The following CALHM5 variants were observed in gnomAD, a reference collection of about 807,000 sequenced individuals.
CALHM5 encodes the protein calcium homeostasis modulator protein 5.
A neutral mutation model predicts 20.9 loss-of-function variants in CALHM5; 17 were observed. That is an observed-to-expected ratio of 0.82 (90% CI 0.56 to 1.22). CALHM5 has a LOEUF of 1.22. Among genes scored for constraint, CALHM5 ranks in the 50% most tolerant of loss-of-function variants. CALHM5 has a pLI of 0.00. For synonymous variants in CALHM5, 148 were observed against 140.0 expected, an observed-to-expected ratio of 1.06 and a Z score of -0.40; for missense variants, 360 against 364.6, an observed-to-expected ratio of 0.99 and a Z score of 0.10.
In CALHM5 at chr6:116,519,839, A is replaced by G. The variant is rs1379576458; in HGVS notation, c.*3850A>G. 5 of 152,172 alleles carry G rather than the reference A, an allele frequency of 3.3e-5. No individual in the cohort carries two copies. The highest frequency in any genetic ancestry group is 1.2e-4 in the African/African-American group (5 of 41,448). The allele number at this position is 152,172 out of a possible 1,614,324, so 9.4% of individuals were successfully genotyped here. The stretch of plus-strand genomic sequence containing the variant: ...GAATAAATTGTGTACACATATATAT[A>G]TGATTCTTTTGTTTTTCCTGTGCAG... On this transcript the variant is annotated 3_prime_UTR_variant, in exon 2 of 2. Transcript: ENST00000368599.
Position 116,516,657 on chromosome 6 carries a change from AC to A in CALHM5, c.*669del, listed in dbSNP as rs1772230768. 6 of 123,324 alleles carry A rather than the reference AC, an allele frequency of 4.9e-5. No individual in the cohort carries two copies. Among genetic ancestry groups the A allele is most frequent in the Non-Finnish European group, 9.9e-5 (6 of 60,462 alleles). The allele number at this position is 123,324 out of a possible 1,614,324, so 7.6% of individuals were successfully genotyped here. Reference sequence around the variant, plus strand: ...ATTTCCTACATTCAAAATAGTAGTAACAAATATATATATATATATATATATA... The same window carrying A: ...ATTTCCTACATTCAAAATAGTAGTAAAAATATATATATATATATATATATA... On this transcript the variant is annotated 3_prime_UTR_variant, in exon 2 of 2. Coordinates refer to ENST00000368599, the MANE Select transcript of CALHM5 (RefSeq NM_153711.5).
chr6:116,515,788 A>G lies in CALHM5; in HGVS notation c.729A>G (p.Lys243=), dbSNP rs746769111. The G allele has an allele frequency of 3.4e-5, 55 of 1,613,884 alleles. No individual in the cohort carries two copies. Among genetic ancestry groups the G allele is most frequent in the Non-Finnish European group, 4.7e-5 (55 of 1,179,934 alleles). The part of the protein sequence containing the change: ...YANKLSERNL[K]CFFENKRPDP... ...ACAAGCTGAGCGAGAGGAACCTGAA[A>G]TGTTTTTTTGAAAACAAGAGGCCAG... The change falls in exon 2 of 2, where the codon AAA becomes AAG. Residue 243 remains lysine, a synonymous_variant. Transcript: ENST00000368599.
In CALHM5 at chr6:116,516,463, T is replaced by C. The variant is rs1458265003; in HGVS notation, c.*474T>C. ...GGATGTATGAAATTGTGGAATTCAT[T>C]CCCTCAGGATCTGAAGATCTCAGTT... On this transcript the variant is annotated 3_prime_UTR_variant, in exon 2 of 2. Transcript: ENST00000368599. The C allele has an allele frequency of 6.6e-6, 1 of 152,206 alleles. No individual in the cohort carries two copies. Among genetic ancestry groups the C allele is most frequent in the Non-Finnish European group, 1.5e-5 (1 of 68,130 alleles). The allele number at this position is 152,206 out of a possible 1,614,324, so 9.4% of individuals were successfully genotyped here.
rs1772402731 is a variant in CALHM5, at chr6:116,524,230, A to G, written c.*8241A>G. The G allele has an allele frequency of 6.6e-6, 1 of 152,216 alleles. No individual in the cohort carries two copies. The highest frequency in any genetic ancestry group is 2.4e-5 in the African/African-American group (1 of 41,450). The allele number at this position is 152,216 out of a possible 1,614,324, so 9.4% of individuals were successfully genotyped here. A position where few individuals can be genotyped will look rare whatever the true frequency, so the allele number is the denominator to read the frequency against. Reference sequence around the variant, plus strand: ...ATAAGATTGGCAAAATATGGAAACTATTGAAGCTGGATGGTAGGTACACGG... The same window carrying G: ...ATAAGATTGGCAAAATATGGAAACTGTTGAAGCTGGATGGTAGGTACACGG... On this transcript the variant is annotated 3_prime_UTR_variant, in exon 2 of 2. Transcript: ENST00000368599.
rs746885992 is a variant in CALHM5 at position 116,515,898 on chromosome 6, C to T, written c.839C>T (p.Thr280Ile). Residue 280 changes from threonine (T) to isoleucine (I), a missense_variant, in exon 2 of 2, where the codon ACC becomes ATC. Transcript: ENST00000368599. ...CACCAAAGCCAGCAACACTATAGCA[C>T]CCTCCACAGAGTGGTGGACAATGGT... ...SFHQSQQHYS[T>I]LHRVVDNGLQ... 1.2e-6 allele frequency: 2 copies of T among 1,613,928 alleles called. No individual in the cohort carries two copies. The highest frequency in any genetic ancestry group is 1.7e-6 in the Non-Finnish European group (2 of 1,179,904).
rs1008188671 is a variant in CALHM5 at position 116,519,986 on chromosome 6, G to A, written c.*3997G>A. Reference sequence around the variant, plus strand: ...ACAAAGATTACAAAAATAAGGCATGGCAGACAAATCACTACATAATTCTAT... The same window carrying A: ...ACAAAGATTACAAAAATAAGGCATGACAGACAAATCACTACATAATTCTAT... On this transcript the variant is annotated 3_prime_UTR_variant, in exon 2 of 2. Coordinates refer to ENST00000368599, the MANE Select transcript of CALHM5 (RefSeq NM_153711.5). The A allele has an allele frequency of 7.9e-5, 12 of 152,116 alleles. No homozygotes were observed. The highest frequency in any genetic ancestry group is 1.6e-4 in the Non-Finnish European group (11 of 68,020). 9.4% of individuals were successfully genotyped at this position (152,116 alleles called of 1,614,324 possible).
intron 1 of CALHM5, among the ~76,000 whole-genome samples, chr6:116,514,677 A>G (rs949181847): frequency 1.3e-5 from 2 of 152,104 alleles, no homozygotes; most frequent in African/African-American, 4.8e-5. Flanking sequence ...AGAGGTTGAG[A>G]CCCTTCACAA....
rs1397482706 is a variant in CALHM5 at position 116,521,228 on chromosome 6, A to G, written c.*5239A>G. On this transcript the variant is annotated 3_prime_UTR_variant, in exon 2 of 2. Transcript: ENST00000368599. ...TGTGCTATATATATTGTGTGTGTAT[A>G]TATATATGAAAGAGGATTTATTGTG... The G allele has an allele frequency of 1.3e-5, 2 of 152,078 alleles. No homozygotes were observed. Among genetic ancestry groups the G allele is most frequent in the Non-Finnish European group, 2.9e-5 (2 of 68,028 alleles). 9.4% of individuals were successfully genotyped at this position (152,078 alleles called of 1,614,324 possible).
intron 1 of CALHM5, among the ~76,000 whole-genome samples, chr6:116,514,880 T>C (rs1009090807): frequency 2.6e-5 from 4 of 152,230 alleles, no homozygotes; most frequent in Non-Finnish European, 5.9e-5. Context: ...TTTCCAAACA[T>C]AAAATTAATT....
rs1772221634 is a variant in CALHM5 at position 116,516,193 on chromosome 6, G to A, written c.*204G>A. The A allele has an allele frequency of 1.8e-6, 1 of 566,630 alleles. No homozygotes were observed. The highest frequency in any genetic ancestry group is 3.2e-5 in the East Asian group (1 of 30,934). The allele number at this position is 566,630 out of a possible 1,614,324, so 35.1% of individuals were successfully genotyped here. On this transcript the variant is annotated 3_prime_UTR_variant, in exon 2 of 2. Transcript: ENST00000368599. Reference sequence around the variant, plus strand: ...ATTGATGCTGAGGGGTGACAAAGGTGCTCTTGCATTGGTGGAGAGGGGCTC... The same window carrying A: ...ATTGATGCTGAGGGGTGACAAAGGTACTCTTGCATTGGTGGAGAGGGGCTC...
At position 116,517,332 on chromosome 6, in the gene CALHM5, T is replaced by C. The variant is rs1772248058; in HGVS notation, c.*1343T>C. The C allele has an allele frequency of 1.3e-5, 2 of 152,168 alleles. No individual in the cohort carries two copies. The highest frequency in any genetic ancestry group is 6.6e-5 in the Admixed American group (1 of 15,266). The allele number at this position is 152,168 out of a possible 1,614,324, so 9.4% of individuals were successfully genotyped here. On this transcript the variant is annotated 3_prime_UTR_variant, in exon 2 of 2. Coordinates refer to ENST00000368599, the MANE Select transcript of CALHM5 (RefSeq NM_153711.5). ...AAACTGCATTGCAGTCTTACATTTA[T>C]CAGAAATAATGCAAATCTTGCATTC...
In CALHM5 at chr6:116,519,213, A is replaced by G. The variant is rs904511163; in HGVS notation, c.*3224A>G. The G allele has an allele frequency of 2.6e-5, 4 of 152,192 alleles. No individual in the cohort carries two copies. 9.4% of individuals were successfully genotyped at this position (152,192 alleles called of 1,614,324 possible). ...GGGAGCTGTGTATACATGATTTATT[A>G]AAAGGAAATCCTCTTAGGAGAAACA... On this transcript the variant is annotated 3_prime_UTR_variant, in exon 2 of 2. Transcript: ENST00000368599.
At chr6:116,512,386 G>A (rs1772140427) in intron 1 of CALHM5, 150 bp downstream of exon 1, 2 of 927,886 alleles carry the variant, frequency 2.2e-6, no homozygotes, top group South Asian at 4.0e-5. Context: ...ACTATCTCAG[G>A]AAAAGCTTTT....
At position 116,516,564 on chromosome 6, in the gene CALHM5, A is replaced by G. The variant is rs1772228069; in HGVS notation, c.*575A>G. 6.6e-6 allele frequency: 1 copy of G among 151,488 alleles called. No individual in the cohort carries two copies. The highest frequency in any genetic ancestry group is 1.5e-5 in the Non-Finnish European group (1 of 67,914). The allele number at this position is 151,488 out of a possible 1,614,324, so 9.4% of individuals were successfully genotyped here. ...CACATGTTTTCACTGTATACTGAAA[A>G]TACTCCCCTGGAAGCAGGGCTGCAT... On this transcript the variant is annotated 3_prime_UTR_variant, in exon 2 of 2. Transcript: ENST00000368599.
rs1583271917 is a variant in CALHM5, at chr6:116,517,308, A to C, written c.*1319A>C. The stretch of plus-strand genomic sequence containing the variant: ...ACTGTCCAAAGCAGTACTGGCATAA[A>C]ACTGCATTGCAGTCTTACATTTATC... On this transcript the variant is annotated 3_prime_UTR_variant, in exon 2 of 2. Transcript: ENST00000368599. The C allele has an allele frequency of 6.6e-6, 1 of 152,242 alleles. No homozygotes were observed. The allele number at this position is 152,242 out of a possible 1,614,324, so 9.4% of individuals were successfully genotyped here. A position where few individuals can be genotyped will look rare whatever the true frequency, so the allele number is the denominator to read the frequency against.
chr6:116,511,989 A>G lies in CALHM5; in HGVS notation c.293A>G (p.Tyr98Cys), dbSNP rs760224823. The G allele has an allele frequency of 2.5e-6, 4 of 1,613,966 alleles. No homozygotes were observed. The highest frequency in any genetic ancestry group is 3.4e-6 in the Non-Finnish European group (4 of 1,179,982). ...FPRGHSCRFF[Y>C]VLGQITLSSL... ...AGAGGCCACAGCTGCCGTTTCTTCT[A>G]CGTCCTCGGCCAGATCACTCTGAGC... is the stretch of plus-strand genomic sequence containing the variant. The change falls in exon 1 of 2, where the codon TAC becomes TGC. Residue 98 changes from tyrosine to cysteine, a missense_variant. Transcript: ENST00000368599.
At position 116,516,274 on chromosome 6, in the gene CALHM5, CAT is replaced by C. The variant is rs1772222688; in HGVS notation, c.*286_*287del. On this transcript the variant is annotated 3_prime_UTR_variant, in exon 2 of 2. Coordinates refer to ENST00000368599, the MANE Select transcript of CALHM5 (RefSeq NM_153711.5). ...GATTTTATCATTCAACAGACAGACTCATGTGAGAGGGCTCATCAGTCTCTGTA... is the reference window on the plus strand; with the variant it reads ...GATTTTATCATTCAACAGACAGACTCGTGAGAGGGCTCATCAGTCTCTGTA... 3.5e-6 allele frequency: 1 copy of C among 286,228 alleles called. No homozygotes were observed. Among genetic ancestry groups the C allele is most frequent in the African/African-American group, 2.2e-5 (1 of 46,102 alleles). 17.7% of individuals were successfully genotyped at this position (286,228 alleles called of 1,614,324 possible).
chr6:116,516,032 A>C lies in CALHM5; in HGVS notation c.*43A>C. 9.8e-6 allele frequency: 15 copies of C among 1,533,868 alleles called. No homozygotes were observed. Among genetic ancestry groups the C allele is most frequent in the Non-Finnish European group, 1.3e-5 (15 of 1,139,632 alleles). ...ACTCATGGTGTTGAGTGGCATGCTC[A>C]TTCTGTGATCCTCCTAACGTATCAC... On this transcript the variant is annotated 3_prime_UTR_variant, in exon 2 of 2. Transcript: ENST00000368599.
In CALHM5 at chr6:116,515,924, C is replaced by G; in HGVS notation, c.865C>G (p.Leu289Val). ...CCTCCACAGAGTGGTGGACAATGGT[C>G]TGCAACTTAGCCCTGAGGATGATGA... Reference protein sequence around the residue: ...STLHRVVDNGLQLSPEDDETT... With the variant: ...STLHRVVDNGVQLSPEDDETT... The change falls in exon 2 of 2, where the codon CTG (leucine) becomes GTG (valine). Residue 289 changes from leucine (L) to valine (V), a missense_variant. Leu to Val is a conservative substitution (Grantham distance 32). Transcript: ENST00000368599. The G allele has an allele frequency of 1.2e-6, 2 of 1,613,668 alleles. No individual in the cohort carries two copies. The highest frequency in any genetic ancestry group is 1.7e-6 in the Non-Finnish European group (2 of 1,179,732).
Sources: allele counts gnomAD v4.1 joint callset (sites outside exome capture counted in the v4.1 genomes callset), GRCh38; gene constraint gnomAD v4.1.1; transcripts MANE v1.5; gene names NCBI Gene and HGNC (gene_info 2026-07-23, HGNC 2026-07-21).